The following COMMD1 variants were observed in gnomAD, a reference collection of about 807,000 sequenced individuals.
The protein encoded by COMMD1 is COMM domain-containing protein 1.
COMMD1 carries 10 observed loss-of-function variants against 17.2 expected under a neutral mutation model. The ratio of observed to expected loss-of-function variants is 0.58; its 90% confidence interval spans 0.36 to 0.99. The LOEUF (loss-of-function observed/expected upper bound fraction) is 0.99. COMMD1 is among the 50% of genes least tolerant of loss of function. The pLI is 0.01. For synonymous variants in COMMD1, 97 were observed against 91.6 expected (o/e 1.06, Z -0.34); for missense variants, 270 against 231.8 (o/e 1.17, Z -1.07).
chr2:62,056,127 A>G lies in COMMD1; in HGVS notation c.462+55145A>G, dbSNP rs895403217. Among the ~76,000 whole-genome samples the G allele has an allele frequency of 3.9e-5, 6 of 152,182 alleles. No homozygotes were observed. The East Asian group carries it at 5.8e-4, about 15-fold the overall frequency. On this transcript the variant is annotated intron_variant, in intron 2 of 2. Coordinates refer to ENST00000311832, the MANE Select transcript of COMMD1 (RefSeq NM_152516.4). ...GACTGGACAGCTTTCTGATTTCACT[A>G]CTTGGGTCAAAGAGTTTGCTTCTGA...
chr2:62,026,034 C>T (rs1157581742), intron 2 of COMMD1, among the ~76,000 whole-genome samples: 1 of 152,078 alleles, frequency 6.6e-6, no homozygotes, highest in East Asian at 1.9e-4. Context: ...CTTAGGGAAA[C>T]GGGCATGGAG....
At chr2:62,079,385 A>G (rs1475703819) in intron 2 of COMMD1, among the ~76,000 whole-genome samples, 1 of 152,180 alleles carries the variant, frequency 6.6e-6, no homozygotes, top group Admixed American at 6.5e-5. Flanking sequence ...AATCAATATT[A>G]TTATCTTTAA....
intron 2 of COMMD1, among the ~76,000 whole-genome samples, chr2:62,011,909 C>A (rs1669288834): frequency 6.6e-6 from 1 of 152,052 alleles, no homozygotes; most frequent in South Asian, 2.1e-4. Context: ...TTGATACAGG[C>A]AAGATGGATT....
At chr2:61,989,440 CCCCCAA>C (rs916317871) in intron 1 of COMMD1, among the ~76,000 whole-genome samples, 1 of 151,916 alleles carries the variant, frequency 6.6e-6, no homozygotes, top group African/African-American at 2.4e-5. Flanking sequence ...CATTCCCTCG[CCCCCAA>C]ACCCTGGCAA....
intron 1 of COMMD1, among the ~76,000 whole-genome samples, chr2:61,944,028 CCTTT>C (rs1670839617): frequency 2.0e-5 from 3 of 152,134 alleles, no homozygotes; most frequent in Admixed American, 6.5e-5. Flanking sequence ...AGCAAAATGC[CCTTT>C]CTTTTTGGAG....
At chr2:61,931,785 A>G (rs1372228562) in intron 1 of COMMD1, among the ~76,000 whole-genome samples, 2 of 152,358 alleles carry the variant, frequency 1.3e-5, no homozygotes, top group East Asian at 1.9e-4. Flanking sequence ...AAATTATGGT[A>G]TATCAGTAAG....
At chr2:61,999,150 G>A (rs746469791) in intron 1 of COMMD1, among the ~76,000 whole-genome samples, 3 of 152,188 alleles carry the variant, frequency 2.0e-5, no homozygotes, top group Non-Finnish European at 2.9e-5. Flanking sequence ...TGCAGTATCT[G>A]TGAATTATAA....
chr2:61,970,458 T>G (rs1311811972), intron 1 of COMMD1, among the ~76,000 whole-genome samples: 1 of 152,092 alleles, frequency 6.6e-6, no homozygotes, highest in Non-Finnish European at 1.5e-5. Flanking sequence ...CAAAATACAC[T>G]CTCCCATATA....
At position 62,066,604 on chromosome 2, in the gene COMMD1, T is replaced by C. The variant is rs576455262; in HGVS notation, c.462+65622T>C. 1.3e-4 allele frequency among the ~76,000 whole-genome samples: 20 copies of C among 152,030 alleles called. No individual in the cohort carries two copies. The South Asian group carries it at 2.9e-3, about 22-fold the overall frequency. On this transcript the variant is annotated intron_variant, in intron 2 of 2. Transcript: ENST00000311832. ...TTTTAGTAGAGACAGGGTTTCACCA[T>C]GTTAGCCAGGATGGTCTCCATCTCC...
chr2:62,024,582 C>T (rs1669703122), intron 2 of COMMD1, among the ~76,000 whole-genome samples: 1 of 152,086 alleles, frequency 6.6e-6, no homozygotes, highest in African/African-American at 2.4e-5. Context: ...TTTTTTGGGG[C>T]TTATATAAAT....
At chr2:61,982,222 A>T (rs900968093) in intron 1 of COMMD1, among the ~76,000 whole-genome samples, 13 of 152,110 alleles carry the variant, frequency 8.5e-5, no homozygotes, top group African/African-American at 2.4e-4. Context: ...TGGTTAAGAT[A>T]ATTCCTAGGT....
rs574043993 is a variant in COMMD1, at chr2:62,129,593, T to A, written c.463-6238T>A. On this transcript the variant is annotated intron_variant, in intron 2 of 2. Coordinates refer to ENST00000311832, the MANE Select transcript of COMMD1 (RefSeq NM_152516.4). The stretch of plus-strand genomic sequence containing the variant: ...TGAGTGGTGAACACAGGTTTACTTA[T>A]GAAGATGTTTTGAACTTCTCTGGCA... Among the ~76,000 whole-genome samples, 214 of 152,326 alleles carry A rather than the reference T, an allele frequency of 1.4e-3. 1 individual carries two copies. The highest frequency in any genetic ancestry group is 2.2e-3 in the Non-Finnish European group (152 of 68,024).
chr2:62,019,166 C>G (rs942642091), intron 2 of COMMD1, among the ~76,000 whole-genome samples: 1 of 133,280 alleles, frequency 7.5e-6, no homozygotes, highest in Non-Finnish European at 1.6e-5. Context: ...CTCTTTCCTC[C>G]TTTCTCTTTT....
chr2:62,025,161 A>G (rs1368650742), intron 2 of COMMD1, among the ~76,000 whole-genome samples: 1 of 152,132 alleles, frequency 6.6e-6, no homozygotes, highest in African/African-American at 2.4e-5. Context: ...TGGAGGTTGC[A>G]ATGAGCCAAG....
intron 2 of COMMD1, among the ~76,000 whole-genome samples, chr2:62,082,765 C>A (rs976106107): frequency 6.6e-6 from 1 of 152,056 alleles, no homozygotes; most frequent in Non-Finnish European, 1.5e-5. Context: ...GAGGCTGAGG[C>A]AGAAGAATTT....
At chr2:62,084,864 A>T (rs941655696) in intron 2 of COMMD1, 2 of 152,228 alleles carry the variant, frequency 1.3e-5, no homozygotes, top group African/African-American at 4.8e-5. Context: ...CACAGACTTT[A>T]GGGAAACCTA....
chr2:61,934,917 C>T (rs1054915430), intron 1 of COMMD1, among the ~76,000 whole-genome samples: 4 of 152,096 alleles, frequency 2.6e-5, no homozygotes, highest in African/African-American at 4.8e-5. Context: ...TGTGCCTGGC[C>T]GCCTCATAAA....
At chr2:62,107,677 A>G (rs984159465) in intron 2 of COMMD1, among the ~76,000 whole-genome samples, 2 of 152,208 alleles carry the variant, frequency 1.3e-5, no homozygotes, top group African/African-American at 4.8e-5. Flanking sequence ...TTGCTTTGAA[A>G]GCCTTGACCA....
intron 2 of COMMD1, among the ~76,000 whole-genome samples, chr2:62,008,041 A>G (rs1669170734): frequency 6.6e-6 from 1 of 152,056 alleles, no homozygotes; most frequent in African/African-American, 2.4e-5. Context: ...AATTAGCCAG[A>G]TGTGATACTG....
Sources: gnomAD v4.1 joint callset for allele counts (sites outside exome capture counted in the v4.1 genomes callset) on GRCh38, gnomAD v4.1.1 for gene constraint, MANE v1.5 for transcripts, NCBI Gene and HGNC (gene_info 2026-07-23, HGNC 2026-07-21) for gene names.